The following VWA3A variants were observed in gnomAD, a reference collection of about 807,000 sequenced individuals.
The protein encoded by VWA3A is von Willebrand factor A domain-containing protein 3A.
Under a neutral mutation model 160.4 loss-of-function variants are expected in VWA3A, and 134 were observed. The observed-to-expected ratio is 0.84, with a 90% CI of 0.73 to 0.96. The LOEUF is 0.96. Among genes scored for constraint, VWA3A ranks in the 40% least tolerant of loss-of-function variants. The probability of loss-of-function intolerance (pLI) is 0.00; values close to 1 mark genes in which losing one functional copy is unlikely to be tolerated. For synonymous variants in VWA3A, 476 were observed against 543.4 expected (o/e 0.88, Z 1.72); for missense variants, 1,310 against 1,447.9 (o/e 0.90, Z 1.55).
chr16:22,145,152 C>T (rs962405355), intron 26 of VWA3A, among the ~76,000 whole-genome samples: 1 of 152,048 alleles, frequency 6.6e-6, no homozygotes, highest in Non-Finnish European at 1.5e-5. Context: ...AAAATCTGAT[C>T]ATTTCTCTCC....
At chr16:22,133,217 G>A in intron 20 of VWA3A, 122 bp downstream of exon 20, 2 of 1,153,296 alleles carry the variant, frequency 1.7e-6, no homozygotes, top group Non-Finnish European at 2.4e-6. Flanking sequence ...ATTTTAAAAT[G>A]TAAAACTGTT....
intron 6 of VWA3A, among the ~76,000 whole-genome samples, chr16:22,104,729 G>A (rs550140206): frequency 1.3e-5 from 2 of 152,200 alleles, no homozygotes; most frequent in East Asian, 3.9e-4. Flanking sequence ...GAACCCAAGG[G>A]TAGAAGAGTG....
chr16:22,141,773 A>G, intron 24 of VWA3A, 81 bp downstream of exon 24: 2 of 1,229,304 alleles, frequency 1.6e-6, no homozygotes, highest in Non-Finnish European at 2.3e-6. Context: ...CGTGGGAAGG[A>G]GACCCCTCCT....
chr16:22,152,447 G>A (rs1178159192), intron 30 of VWA3A, 64 bp from the exon 31 acceptor site: 1 of 1,593,914 alleles, frequency 6.3e-7, no homozygotes, highest in Non-Finnish European at 8.5e-7. Flanking sequence ...CATGGACGTG[G>A]GGAGTCACAC....
chr16:22,109,882 A>G (rs974009501), intron 7 of VWA3A, among the ~76,000 whole-genome samples: 1 of 152,240 alleles, frequency 6.6e-6, no homozygotes, highest in Admixed American at 6.5e-5. Context: ...AGTCTCCTGC[A>G]TAGCATAGCA....
intron 6 of VWA3A, among the ~76,000 whole-genome samples, chr16:22,107,882 G>A (rs1051765357): frequency 6.6e-6 from 1 of 152,180 alleles, no homozygotes. Context: ...GAACAAGGAG[G>A]AGGGGCTCTC....
intron 22 of VWA3A, among the ~76,000 whole-genome samples, chr16:22,138,765 T>C (rs1251943323): frequency 6.6e-6 from 1 of 151,940 alleles, no homozygotes; most frequent in Admixed American, 6.6e-5. Context: ...GCCTTTTCCC[T>C]ACCCTGGTAC....
chr16:22,116,508 A>T (rs1567203540), intron 9 of VWA3A: 1 of 569,542 alleles, frequency 1.8e-6, no homozygotes, highest in Non-Finnish European at 3.1e-6. Context: ...GAGAGAAAAG[A>T]TCATCAACAA....
intron 30 of VWA3A, 25 bp downstream of exon 30, chr16:22,150,871 G>A (rs769720202): frequency 1.9e-6 from 3 of 1,599,304 alleles, no homozygotes; most frequent in Non-Finnish European, 2.6e-6. Context: ...GTCTGACTGA[G>A]TTTTATTCTT....
At chr16:22,118,777 T>TAAGG in intron 11 of VWA3A, 125 bp from the exon 12 acceptor site, 1 of 1,305,370 alleles carries the variant, frequency 7.7e-7, no homozygotes, top group African/African-American at 1.5e-5. Flanking sequence ...TCCCAGTGTA[T>TAAGG]AAGGCCTGGT....
chr16:22,148,071 C>G, intron 27 of VWA3A, 91 bp from the exon 28 acceptor site: 2 of 1,442,972 alleles, frequency 1.4e-6, no homozygotes, highest in Admixed American at 5.3e-5. Context: ...TGTCACAAGA[C>G]TTTATACTTG....
At chr16:22,144,448 G>A in intron 26 of VWA3A, 64 bp downstream of exon 26, 1 of 1,577,472 alleles carries the variant, frequency 6.3e-7, no homozygotes, top group Non-Finnish European at 8.6e-7. Context: ...ATGGCAGAGA[G>A]CAGTGTAGGG....
Position 22,131,276 on chromosome 16 carries a change from G to A in VWA3A, c.1724G>A (p.Trp575Ter). 1 of 1,613,934 alleles carries A rather than the reference G, an allele frequency of 6.2e-7. No individual in the cohort carries two copies. Among genetic ancestry groups the A allele is most frequent in the Non-Finnish European group, 8.5e-7 (1 of 1,179,878 alleles). ...PVSHNNLQSA[W>*]RWALNLRCRG... ...AGTCACAACAATTTACAAAGTGCCT[G>A]GCGGTAGGTTATGGGCAGAGACTTC... Residue 575 changes from tryptophan to a stop codon, truncating the protein, a stop_gained, in exon 18 of 34, where the codon TGG (tryptophan) becomes TAG (stop). Coordinates refer to ENST00000389398, the MANE Select transcript of VWA3A (RefSeq NM_173615.5). LOFTEE classifies it high-confidence loss of function.
chr16:22,123,686 G>T lies in VWA3A; in HGVS notation c.1511G>T (p.Trp504Leu). The T allele has an allele frequency of 6.2e-7, 1 of 1,613,716 alleles. No individual in the cohort carries two copies. Among genetic ancestry groups the T allele is most frequent in the Non-Finnish European group, 8.5e-7 (1 of 1,179,774 alleles). The part of the protein sequence containing the change: ...EWLSLASRRI[W>L]GTVCEKRVVV... The stretch of plus-strand genomic sequence containing the variant: ...CTCTCCCTGGCCAGCAGAAGAATCT[G>T]GGGCACAGTCTGTGAAAAAAGGTAC... The change falls in exon 16 of 34, where the codon TGG becomes TTG. Residue 504 changes from tryptophan to leucine, a missense_variant. Trp to Leu is a moderately conservative substitution (Grantham distance 61). Transcript: ENST00000389398.
chr16:22,116,852 T>C lies in VWA3A; in HGVS notation c.909T>C (p.Asp303=), dbSNP rs377321430. The change falls in exon 10 of 34, where the codon GAT becomes GAC. Residue 303 remains aspartate, a synonymous_variant. Transcript: ENST00000389398. The part of the protein sequence containing the change: ...LIIHFITYRC[D]DQMPPAVLKN... Reference sequence around the variant, plus strand: ...TCCACTTCATCACCTACAGATGCGATGATCAGATGCCCCCTGTGAGTGCCC... The same window carrying C: ...TCCACTTCATCACCTACAGATGCGACGATCAGATGCCCCCTGTGAGTGCCC... The C allele has an allele frequency of 6.2e-6, 10 of 1,613,106 alleles. No individual in the cohort carries two copies. The African/African-American group carries it at 8.0e-5, about 13-fold the overall frequency.
chr16:22,129,324 G>T lies in VWA3A; in HGVS notation c.1653-1881G>T, dbSNP rs529686080. Reference sequence around the variant, plus strand: ...GAATGGCATGAACCTGGGAGGTGGAGCTTGCAGTGAGCCGAGATTGCGCCA... The same window carrying T: ...GAATGGCATGAACCTGGGAGGTGGATCTTGCAGTGAGCCGAGATTGCGCCA... On this transcript the variant is annotated intron_variant, in intron 17 of 33. Transcript: ENST00000389398. Among the ~76,000 whole-genome samples, 4 of 150,426 alleles carry T rather than the reference G, an allele frequency of 2.7e-5. No individual in the cohort carries two copies. In the South Asian group the frequency reaches 8.5e-4, roughly 32 times the overall value.
rs927022612 is a variant in VWA3A at position 22,112,499 on chromosome 16, G to A, written c.689+1505G>A. 3.3e-5 allele frequency among the ~76,000 whole-genome samples: 5 copies of A among 152,248 alleles called. No homozygotes were observed. The South Asian group carries it at 6.2e-4, about 19-fold the overall frequency. On this transcript the variant is annotated intron_variant, in intron 8 of 33. Transcript: ENST00000389398. The stretch of plus-strand genomic sequence containing the variant: ...TTCGGGAGGCCAAGGTGGGAGGATC[G>A]CTTGAGCCCAGAAGTTTGAGACCAG...
At chr16:22,117,035 G>C (rs950359192) in intron 10 of VWA3A, 76 bp from the exon 11 acceptor site, 2 of 1,499,962 alleles carry the variant, frequency 1.3e-6, no homozygotes, top group African/African-American at 2.8e-5. Flanking sequence ...ATAATTGGGA[G>C]GTTCAGTCAA....
At chr16:22,096,814 G>T (rs1371631001) in intron 1 of VWA3A, 45 bp from the exon 2 acceptor site, 2 of 1,253,710 alleles carry the variant, frequency 1.6e-6, no homozygotes, top group Non-Finnish European at 2.3e-6. Context: ...ACTATTGTCT[G>T]TATGCCACAT....
Sources: allele counts gnomAD v4.1 joint callset (sites outside exome capture counted in the v4.1 genomes callset), GRCh38; gene constraint gnomAD v4.1.1; transcripts MANE v1.5; gene names NCBI Gene and HGNC (gene_info 2026-07-23, HGNC 2026-07-21).